The following VDR variants were observed in gnomAD, a reference collection of about 807,000 sequenced individuals.
VDR encodes vitamin D receptor, also known as vitamin D3 receptor.
A neutral mutation model predicts 39.7 loss-of-function variants in VDR; 19 were observed. The ratio of observed to expected loss-of-function variants is 0.48; its 90% confidence interval spans 0.33 to 0.70. The LOEUF (loss-of-function observed/expected upper bound fraction) is 0.70, where lower values mean the gene tolerates loss of function less well. Ranked by LOEUF, VDR falls within the 30% of genes least tolerant of loss-of-function variation. The pLI, the probability that VDR is intolerant of heterozygous loss-of-function variation, is 0.02. For missense variants in VDR, 442 were observed against 570.5 expected (o/e 0.77, Z 2.29); for synonymous variants, 242 against 215.8 (o/e 1.12, Z -1.07).
At chr12:47,874,139 T>G (rs1261260425) in intron 3 of VDR, among the ~76,000 whole-genome samples, 1 of 152,218 alleles carries the variant, frequency 6.6e-6, no homozygotes, top group African/African-American at 2.4e-5. Flanking sequence ...TGGCCTCCTC[T>G]ACCCAAGCTT....
chr12:47,901,694 T>C (rs555528632), intron 1 of VDR, among the ~76,000 whole-genome samples: 27 of 152,334 alleles, frequency 1.8e-4, no homozygotes, highest in Non-Finnish European at 3.5e-4. Context: ...GGAAGCTGGA[T>C]GAGCAAAATG....
At chr12:47,846,029 G>A (rs1193734511) in intron 9 of VDR, among the ~76,000 whole-genome samples, 1 of 152,210 alleles carries the variant, frequency 6.6e-6, no homozygotes, top group Non-Finnish European at 1.5e-5. Context: ...TCACGCAAGA[G>A]CAGAGCCTGA....
chr12:47,867,379 G>A (rs1018144180), intron 3 of VDR, among the ~76,000 whole-genome samples: 3 of 150,852 alleles, frequency 2.0e-5, no homozygotes, highest in African/African-American at 7.3e-5. Flanking sequence ...AAAAGAAAAA[G>A]AAAAGTGGCA....
chr12:47,846,208 A>C, intron 9 of VDR, 127 bp downstream of exon 9: 2 of 775,174 alleles, frequency 2.6e-6, no homozygotes, highest in Non-Finnish European at 4.4e-6. Context: ...CAAAGTAGGT[A>C]TTTCCTTATC....
At chr12:47,903,184 C>T (rs1406443498) in intron 1 of VDR, among the ~76,000 whole-genome samples, 1 of 152,204 alleles carries the variant, frequency 6.6e-6, no homozygotes, top group East Asian at 1.9e-4. Context: ...CCTCCTTTAG[C>T]TTGGTAAGGG....
intron 7 of VDR, among the ~76,000 whole-genome samples, chr12:47,849,021 T>G (rs1209889976): frequency 1.3e-5 from 2 of 152,190 alleles, no homozygotes; most frequent in African/African-American, 2.4e-5. Flanking sequence ...GTTCCACTAT[T>G]CTGAGTCAGG....
In VDR at chr12:47,882,735, C is replaced by G; in HGVS notation, c.-44G>C. On this transcript the variant is annotated 5_prime_UTR_variant, in exon 2 of 10. Transcript: ENST00000549336. ...CAGGTAAGTGGAGCCCAGGGGTGCT[C>G]TTCTGTGAGGTCTCACAGACACTTC... 6.6e-7 allele frequency: 1 copy of G among 1,524,756 alleles called. No homozygotes were observed. Among genetic ancestry groups the G allele is most frequent in the Non-Finnish European group, 8.8e-7 (1 of 1,140,992 alleles). 94.5% of individuals were successfully genotyped at this position (1,524,756 alleles called of 1,614,324 possible). A position where few individuals can be genotyped will look rare whatever the true frequency, so the allele number is the denominator to read the frequency against.
At chr12:47,887,965 T>C (rs1946289505) in intron 1 of VDR, among the ~76,000 whole-genome samples, 1 of 152,190 alleles carries the variant, frequency 6.6e-6, no homozygotes, top group Admixed American at 6.5e-5. Flanking sequence ...TGACACCCCC[T>C]GCAGTATCAG....
intron 4 of VDR, among the ~76,000 whole-genome samples, chr12:47,862,822 G>T (rs554954432): frequency 6.6e-6 from 1 of 152,362 alleles, no homozygotes; most frequent in South Asian, 2.1e-4. Flanking sequence ...CCTGAAGCTG[G>T]ACTAACCTGA....
At chr12:47,887,985 G>T (rs928213043) in intron 1 of VDR, among the ~76,000 whole-genome samples, 3 of 152,188 alleles carry the variant, frequency 2.0e-5, no homozygotes, top group African/African-American at 7.2e-5. Context: ...GGGTGTATTA[G>T]TCTGTTTTCA....
chr12:47,894,422 C>T (rs942624870), intron 1 of VDR, among the ~76,000 whole-genome samples: 1 of 152,232 alleles, frequency 6.6e-6, no homozygotes, highest in African/African-American at 2.4e-5. Flanking sequence ...GGTGAAACCC[C>T]ATTTCCTCTG....
At chr12:47,882,930 G>A (rs1344488726) in intron 1 of VDR, 156 bp from the exon 2 acceptor site, 1 of 578,768 alleles carries the variant, frequency 1.7e-6, no homozygotes, top group Non-Finnish European at 2.9e-6. Context: ...GGCATGCCAT[G>A]TCATCGCTGG....
chr12:47,859,144 T>C (rs11574077), intron 4 of VDR, among the ~76,000 whole-genome samples: 4,939 of 152,280 alleles, frequency 0.032, 115 homozygotes, highest in Non-Finnish European at 0.054. Flanking sequence ...AGCCCTCGCT[T>C]GGGGAGCCCA....
At position 47,895,235 on chromosome 12, in the gene VDR, G is replaced by A. The variant is rs556072463; in HGVS notation, c.-84+9720C>T. Among the ~76,000 whole-genome samples, 26 of 152,336 alleles carry A rather than the reference G, an allele frequency of 1.7e-4. No homozygotes were observed. The South Asian group carries it at 5.2e-3, about 30-fold the overall frequency. ...AAAACACCTTGAACGATTGCATGGA[G>A]CATGATCCATTCATTCGTTGTCTAC... On this transcript the variant is annotated intron_variant, in intron 1 of 9. Transcript: ENST00000549336.
chr12:47,853,482 G>A (rs962825260), intron 7 of VDR, among the ~76,000 whole-genome samples: 1 of 151,764 alleles, frequency 6.6e-6, no homozygotes, highest in Non-Finnish European at 1.5e-5. Flanking sequence ...GCCGGGCGTG[G>A]TGGTTCATGC....
intron 1 of VDR, among the ~76,000 whole-genome samples, chr12:47,897,892 A>C (rs1946490340): frequency 6.6e-6 from 1 of 152,222 alleles, no homozygotes; most frequent in Non-Finnish European, 1.5e-5. Flanking sequence ...ACATGAATCC[A>C]TCACTGCCCC....
At position 47,857,424 on chromosome 12, in the gene VDR, C is replaced by T; in HGVS notation, c.462+80G>A. 4 of 1,609,400 alleles carry T rather than the reference C, an allele frequency of 2.5e-6. No individual in the cohort carries two copies. The South Asian group carries it at 3.3e-5, about 13-fold the overall frequency. On this transcript the variant is annotated intron_variant, in intron 5 of 9. Transcript: ENST00000549336. Reference sequence around the variant, plus strand: ...AGTTCTGTTCAGGATGTCCCCTGCCCTCTGTCCCTACTCCCTGGGCCCTGG... The same window carrying T: ...AGTTCTGTTCAGGATGTCCCCTGCCTTCTGTCCCTACTCCCTGGGCCCTGG...
intron 3 of VDR, among the ~76,000 whole-genome samples, chr12:47,868,188 A>T (rs1012177883): frequency 6.6e-6 from 1 of 152,258 alleles, no homozygotes; most frequent in African/African-American, 2.4e-5. Context: ...TAAAGTGCTC[A>T]GTGAAGTTGA....
chr12:47,881,645 T>C (rs1461643120), intron 2 of VDR, among the ~76,000 whole-genome samples: 1 of 152,224 alleles, frequency 6.6e-6, no homozygotes, highest in Non-Finnish European at 1.5e-5. Context: ...ACTACATCTA[T>C]GTTTTGTATA....
Sources: allele counts gnomAD v4.1 joint callset (sites outside exome capture counted in the v4.1 genomes callset), GRCh38; gene constraint gnomAD v4.1.1; transcripts MANE v1.5; gene names NCBI Gene and HGNC (gene_info 2026-07-23, HGNC 2026-07-21).